CPAP: variants seen among roughly 807,000 people sequenced by gnomAD.
CPAP encodes centrosomal P4.1-associated protein.
chr13:24,885,470 T>G, the CPAP span: 1 of 1,196,478 alleles, frequency 8.4e-7, no homozygotes, highest in Non-Finnish European at 1.3e-6. Context: ...AGGACTAGTG[T>G]TTACAAAATA....
the CPAP span, chr13:24,933,021 T>A: frequency 6.3e-7 from 1 of 1,578,878 alleles, no homozygotes; most frequent in Non-Finnish European, 8.7e-7. Flanking sequence ...TGGGAATCTT[T>A]GCAAATTGTA....
chr13:24,886,417 G>C, the CPAP span: 2 of 1,227,632 alleles, frequency 1.6e-6, no homozygotes, highest in Non-Finnish European at 2.1e-6. Context: ...ATTACACCAT[G>C]GGAAATCACT....
chr13:24,898,526 C>T, the CPAP span, among the ~76,000 whole-genome samples: 2 of 152,042 alleles, frequency 1.3e-5, no homozygotes, highest in Non-Finnish European at 2.9e-5. Flanking sequence ...ATTTATATTA[C>T]CTTTTGAAAT....
the CPAP span, chr13:24,889,035 T>A: frequency 2.3e-6 from 1 of 428,180 alleles, no homozygotes; most frequent in East Asian, 4.8e-5. Flanking sequence ...TTGAGCATCA[T>A]GCTTGCCCTC....
chr13:24,923,617 C>T, the CPAP span, among the ~76,000 whole-genome samples: 1 of 152,124 alleles, frequency 6.6e-6, no homozygotes, highest in Admixed American at 6.5e-5. Flanking sequence ...GCTTCCATGT[C>T]TGATTAAACA....
the CPAP span, among the ~76,000 whole-genome samples, chr13:24,933,336 T>C: frequency 6.6e-6 from 1 of 152,188 alleles, no homozygotes; most frequent in Admixed American, 6.5e-5. Flanking sequence ...TCTCTCCCTG[T>C]TCCCTGAACC....
chr13:24,919,744 A>G, the CPAP span, among the ~76,000 whole-genome samples: 6 of 149,638 alleles, frequency 4.0e-5, no homozygotes, highest in Admixed American at 1.3e-4. Flanking sequence ...GAAGAATTTT[A>G]GCTAGATATG....
chr13:24,907,434 C>T, the CPAP span, among the ~76,000 whole-genome samples: 1 of 152,110 alleles, frequency 6.6e-6, no homozygotes, highest in Admixed American at 6.5e-5. Flanking sequence ...CATCTATCGA[C>T]CACAGATTAA....
chr13:24,884,141 A>C, the CPAP span: 1 of 1,569,886 alleles, frequency 6.4e-7, no homozygotes, highest in Non-Finnish European at 8.8e-7. Context: ...ATTTAATGAG[A>C]GGGTGGAGCA....
chr13:24,920,192 C>T, the CPAP span, among the ~76,000 whole-genome samples: 2 of 152,184 alleles, frequency 1.3e-5, no homozygotes, highest in African/African-American at 4.8e-5. Context: ...CTGTATAATA[C>T]ACATTGAAAA....
At chr13:24,895,040 A>G in the CPAP span, among the ~76,000 whole-genome samples, 1 of 152,220 alleles carries the variant, frequency 6.6e-6, no homozygotes, top group African/African-American at 2.4e-5. Context: ...CAAGGCCTCC[A>G]CGTCCCGCGG....
chr13:24,927,278 CAA>C, the CPAP span, among the ~76,000 whole-genome samples: 1 of 152,114 alleles, frequency 6.6e-6, no homozygotes, highest in Admixed American at 6.5e-5. Context: ...ATGGCTGTCT[CAA>C]GATCCAATTT....
At chr13:24,905,558 G>C in the CPAP span, 1 of 1,614,138 alleles carries the variant, frequency 6.2e-7, no homozygotes, top group Non-Finnish European at 8.5e-7. Flanking sequence ...TTCATTATTA[G>C]GGTAGCATGT....
the CPAP span, chr13:24,933,234 AGAGAGTGAGCTACT>A: frequency 7.4e-6 from 7 of 948,994 alleles, no homozygotes; most frequent in African/African-American, 1.6e-5. Context: ...TAGCAGCAGG[AGAGAGTGAGCTACT>A]GGAAGCTCAT....
chr13:24,911,703 AT>A, the CPAP span, among the ~76,000 whole-genome samples: 630 of 135,044 alleles, frequency 4.7e-3, no homozygotes, highest in Admixed American at 6.0e-3. Flanking sequence ...CACCCAGCTC[AT>A]TTTTTTTTTT....
At chr13:24,919,512 C>A in the CPAP span, among the ~76,000 whole-genome samples, 3 of 151,646 alleles carry the variant, frequency 2.0e-5, no homozygotes, top group Admixed American at 2.0e-4. Flanking sequence ...CTCTACCACC[C>A]AGGCCCCAGT....
the CPAP span, among the ~76,000 whole-genome samples, chr13:24,908,500 G>C: frequency 1.4e-5 from 2 of 146,586 alleles, no homozygotes; most frequent in Non-Finnish European, 3.0e-5. Flanking sequence ...TGTAATCCCA[G>C]CTACCTGGGA....
chr13:24,887,438 CTGTCAGATCAGCAG>C, the CPAP span, among the ~76,000 whole-genome samples: 2 of 152,176 alleles, frequency 1.3e-5, no homozygotes. Context: ...GCTCCACCTC[CTGTCAGATCAGCAG>C]TGGCATTAGA....
chr13:24,895,218 A>T, the CPAP span, among the ~76,000 whole-genome samples: 5 of 152,268 alleles, frequency 3.3e-5, no homozygotes, highest in Non-Finnish European at 5.9e-5. Context: ...CTACGCTCAG[A>T]GCAGCCCCGG....
Sources: allele counts gnomAD v4.1 joint callset (sites outside exome capture counted in the v4.1 genomes callset), GRCh38; gene constraint gnomAD v4.1.1; transcripts MANE v1.5; gene names NCBI Gene and HGNC (gene_info 2026-07-23, HGNC 2026-07-21).